PAQR3: variants seen among roughly 807,000 people sequenced by gnomAD.
The protein encoded by PAQR3 is Raf kinase trapping to Golgi.
In PAQR3, 39 loss-of-function variants were observed where a neutral mutation model predicts 41.7. The ratio of observed to expected loss-of-function variants is 0.93; its 90% CI spans 0.72 to 1.22. The LOEUF (loss-of-function observed/expected upper bound fraction) is 1.22, where lower values mean the gene tolerates loss of function less well. PAQR3 is among the 50% of genes most tolerant of loss of function. PAQR3 has a pLI of 0.00. For missense variants in PAQR3, 366 were observed against 385.6 expected (o/e 0.95, Z 0.42); for synonymous variants, 140 against 140.6 (o/e 1.00, Z 0.03).
Position 78,939,364 on chromosome 4 carries a change from A to G in PAQR3, c.-140T>C, listed in dbSNP as rs1254527180. ...TCCTACCGCGCTGCCGCTGCTGCCC[A>G]GGGCCCGGCTCTGCGCTCACACCGG... On this transcript the variant is annotated 5_prime_UTR_variant, in exon 1 of 6. Transcript: ENST00000512733. The G allele has an allele frequency of 1.2e-5, 8 of 674,086 alleles. No homozygotes were observed. The Admixed American group carries it at 1.4e-4, about 12-fold the overall frequency. 41.8% of individuals were successfully genotyped at this position (674,086 alleles called of 1,614,324 possible).
chr4:78,926,995 C>G (rs901089543), intron 3 of PAQR3, among the ~76,000 whole-genome samples: 1 of 152,156 alleles, frequency 6.6e-6, no homozygotes, highest in Non-Finnish European at 1.5e-5. Flanking sequence ...AGTTCAAGTC[C>G]TATAAAAGCA....
In PAQR3 at chr4:78,938,340, G is replaced by A. The variant is rs575229395; in HGVS notation, c.185+700C>T. On this transcript the variant is annotated intron_variant, in intron 1 of 5. Coordinates refer to ENST00000512733, the MANE Select transcript of PAQR3 (RefSeq NM_001040202.2). ...AAAACACGGATTTTCAAGGGACTGT[G>A]GTTTTAAAGGTTTAAAATGATAAAG... Among the ~76,000 whole-genome samples, 8 of 152,192 alleles carry A rather than the reference G, an allele frequency of 5.3e-5. 1 individual carries two copies. The highest frequency in any genetic ancestry group is 1.9e-4 in the African/African-American group (8 of 41,528).
rs931025405 is a variant in PAQR3 at position 78,939,309 on chromosome 4, C to A, written c.-85G>T. 133 of 1,308,280 alleles carry A rather than the reference C, an allele frequency of 1.0e-4. No homozygotes were observed. Among genetic ancestry groups the A allele is most frequent in the Non-Finnish European group, 1.3e-4 (125 of 991,712 alleles). 81.0% of individuals were successfully genotyped at this position (1,308,280 alleles called of 1,614,324 possible). A position where few individuals can be genotyped will look rare whatever the true frequency, so the allele number is the denominator to read the frequency against. ...GAGGGGGCTTCGCCGCTGGCGCCCC[C>A]GCCCCGGAGCCCGCGGACGCTGCGC... is the stretch of plus-strand genomic sequence containing the variant. On this transcript the variant is annotated 5_prime_UTR_variant, in exon 1 of 6. Transcript: ENST00000512733.
rs1443188378 is a variant in PAQR3 at position 78,903,262 on chromosome 4, A to T, written c.*836+2846T>A. On this transcript the variant is annotated intron_variant and NMD_transcript_variant, in intron 11 of 12. Transcript: ENST00000342820. ...TTTGGTGAATATAAGCTTGTTTTTC[A>T]AAATTATCCTATTGTTATTACCTTG... 5.9e-5 allele frequency among the ~76,000 whole-genome samples: 9 copies of T among 152,124 alleles called. No individual in the cohort carries two copies. The East Asian group carries it at 1.7e-3, about 29-fold the overall frequency.
At chr4:78,921,791 T>G (rs1314325476) in intron 5 of PAQR3, 3 of 984,888 alleles carry the variant, frequency 3.0e-6, no homozygotes, top group Non-Finnish European at 3.6e-6. Flanking sequence ...CTAAGGCATT[T>G]ATATATGAAC....
chr4:78,910,719 A>G (rs933790877), downstream of PAQR3: 4 of 1,613,548 alleles, frequency 2.5e-6, no homozygotes, highest in Non-Finnish European at 3.4e-6. Context: ...AGCGGACTGG[A>G]AAGAAAACCT....
intron 2 of PAQR3, among the ~76,000 whole-genome samples, chr4:78,931,047 T>C (rs1019533521): frequency 2.0e-5 from 3 of 151,860 alleles, no homozygotes; most frequent in Non-Finnish European, 2.9e-5. Flanking sequence ...CACAGTTTTA[T>C]TGCCTTCAAG....
intron 11 of PAQR3, among the ~76,000 whole-genome samples, chr4:78,894,364 C>T (rs948081558): frequency 6.6e-6 from 1 of 152,176 alleles, no homozygotes; most frequent in Non-Finnish European, 1.5e-5. Flanking sequence ...GTGTAGCCAC[C>T]TTCATCAGTG....
rs1254909813 is a variant in PAQR3 at position 78,913,202 on chromosome 4, C to T, written c.*7337G>A. 6.6e-6 allele frequency: 1 copy of T among 152,070 alleles called. No individual in the cohort carries two copies. The highest frequency in any genetic ancestry group is 6.5e-5 in the Admixed American group (1 of 15,272). 9.4% of individuals were successfully genotyped at this position (152,070 alleles called of 1,614,324 possible). ...ACACCCACAAAGCCTTATATAAAGG[C>T]AGGATTCATGCATCCTGCTGCAAGT... On this transcript the variant is annotated 3_prime_UTR_variant, in exon 6 of 6. Transcript: ENST00000512733.
rs1736701900 is a variant in PAQR3, at chr4:78,930,236, T to C, written c.438A>G (p.Ala146=). 2 of 1,613,646 alleles carry C rather than the reference T, an allele frequency of 1.2e-6. No individual in the cohort carries two copies. Among genetic ancestry groups the C allele is most frequent in the Non-Finnish European group, 1.7e-6 (2 of 1,179,850 alleles). ...TCRRWMALDY[A]GISIGILGCY... ...AGCCCAGTATTCCAATAGAAATTCC[T>C]GCATAATCTAATGCCATCCATCTTC... Residue 146 remains alanine, a synonymous_variant, in exon 3 of 6, where the codon GCA becomes GCG. Transcript: ENST00000512733.
chr4:78,888,856 G>C (rs1394787466), intron 11 of PAQR3, among the ~76,000 whole-genome samples: 1 of 152,122 alleles, frequency 6.6e-6, no homozygotes, highest in Non-Finnish European at 1.5e-5. Context: ...TTCATTGAAT[G>C]TGCAGAAAAA....
downstream of PAQR3, chr4:78,911,153 A>G: frequency 6.2e-7 from 1 of 1,613,958 alleles, no homozygotes; most frequent in Non-Finnish European, 8.5e-7. Flanking sequence ...GTGCGTGCTC[A>G]ACAGCCCCAG....
intron 5 of PAQR3, chr4:78,922,391 A>T (rs1449165493): frequency 7.8e-7 from 1 of 1,288,836 alleles, no homozygotes; most frequent in African/African-American, 1.5e-5. Flanking sequence ...GAGTGGTACA[A>T]TCCCTTCTCT....
At chr4:78,901,755 C>A (rs185099873) in intron 11 of PAQR3, among the ~76,000 whole-genome samples, 3 of 152,166 alleles carry the variant, frequency 2.0e-5, no homozygotes, top group African/African-American at 7.2e-5. Context: ...ACACCTACAA[C>A]TTCTAAAACG....
intron 11 of PAQR3, among the ~76,000 whole-genome samples, chr4:78,891,641 A>T (rs767390417): frequency 5.3e-5 from 8 of 152,218 alleles, no homozygotes; most frequent in Non-Finnish European, 8.8e-5. Flanking sequence ...GATTGCAAAT[A>T]ACATATTATT....
intron 10 of PAQR3, among the ~76,000 whole-genome samples, chr4:78,906,619 T>C (rs1734300005): frequency 6.6e-6 from 1 of 152,182 alleles, no homozygotes. Flanking sequence ...TACTTACTTC[T>C]GGTCAGTTCT....
intron 11 of PAQR3, among the ~76,000 whole-genome samples, chr4:78,902,916 C>A (rs936912969): frequency 6.6e-6 from 1 of 151,942 alleles, no homozygotes; most frequent in Admixed American, 6.6e-5. Context: ...AATAGTGTGG[C>A]ATTAACTAGG....
chr4:78,898,335 A>G (rs981506294), intron 11 of PAQR3, among the ~76,000 whole-genome samples: 1 of 152,030 alleles, frequency 6.6e-6, no homozygotes, highest in Admixed American at 6.5e-5. Context: ...TTGTCAGTCC[A>G]CTGCTGGGCC....
chr4:78,922,522 T>C lies in PAQR3; in HGVS notation c.793+1335A>G. On this transcript the variant is annotated intron_variant, in intron 5 of 5. Coordinates refer to ENST00000512733, the MANE Select transcript of PAQR3 (RefSeq NM_001040202.2). ...GAAAAAAAACATCAGTTTTATGTAC[T>C]CTAAATGTTATTTCTGACCCATGCC... 7.7e-6 allele frequency: 8 copies of C among 1,038,100 alleles called. No individual in the cohort carries two copies. The South Asian group carries it at 1.1e-4, about 14-fold the overall frequency. The allele number at this position is 1,038,100 out of a possible 1,614,324, so 64.3% of individuals were successfully genotyped here.
Sources: allele counts gnomAD v4.1 joint callset (sites outside exome capture counted in the v4.1 genomes callset), GRCh38; gene constraint gnomAD v4.1.1; transcripts MANE v1.5; gene names NCBI Gene and HGNC (gene_info 2026-07-23, HGNC 2026-07-21).